The following FNDC3B variants were observed in gnomAD, a reference collection of about 807,000 sequenced individuals.
The protein encoded by FNDC3B is fibronectin type III domain-containing protein 3B.
FNDC3B carries 12 observed loss-of-function variants against 151.5 expected under a neutral mutation model. The observed-to-expected ratio is 0.08, with a 90% CI of 0.05 to 0.13. FNDC3B has a LOEUF of 0.13. Among genes scored for constraint, FNDC3B ranks in the 10% least tolerant of loss-of-function variants. The pLI is 1.00. For missense variants in FNDC3B, 1,214 were observed against 1,505.3 expected (o/e 0.81, Z 3.20); for synonymous variants, 528 against 549.0 (o/e 0.96, Z 0.54).
In FNDC3B at chr3:172,112,485, C is replaced by T. The variant is rs144227771; in HGVS notation, c.6C>T (p.Tyr2=). The change falls in exon 2 of 26, where the codon TAC becomes TAT. Residue 2 remains tyrosine, a synonymous_variant. Transcript: ENST00000415807. The part of the protein sequence containing the change: M[Y]VTMMMTDQIP... The stretch of plus-strand genomic sequence containing the variant: ...TTGAGGGAAGTTCTCCATGAATGTA[C>T]GTCACAATGATGATGACCGACCAAA... 5.2e-5 allele frequency: 84 copies of T among 1,612,202 alleles called. 1 individual carries two copies. The highest frequency in any genetic ancestry group is 3.3e-4 in the Middle Eastern group (2 of 6,054).
chr3:172,173,641 A>T (rs1428053249), intron 3 of FNDC3B, among the ~76,000 whole-genome samples: 6 of 151,486 alleles, frequency 4.0e-5, no homozygotes, highest in Non-Finnish European at 4.4e-5. Context: ...CAAAAAAAAA[A>T]AAAAATTAAA....
intron 24 of FNDC3B, among the ~76,000 whole-genome samples, chr3:172,380,518 T>C (rs1280814289): frequency 6.6e-6 from 1 of 152,208 alleles, no homozygotes; most frequent in East Asian, 1.9e-4. Flanking sequence ...ACGTTTTGTT[T>C]GTACCTCTCA....
At chr3:172,041,541 G>T (rs1560378244) in intron 1 of FNDC3B, among the ~76,000 whole-genome samples, 1 of 151,092 alleles carries the variant, frequency 6.6e-6, no homozygotes. Context: ...GTTGGGAATG[G>T]GGAGGCACGG....
At chr3:172,214,784 C>T (rs977108194) in intron 3 of FNDC3B, among the ~76,000 whole-genome samples, 2 of 152,174 alleles carry the variant, frequency 1.3e-5, no homozygotes, top group Non-Finnish European at 2.9e-5. Context: ...TAGTAAACCA[C>T]GTTAGGATGT....
intron 6 of FNDC3B, among the ~76,000 whole-genome samples, chr3:172,266,040 C>G (rs534670554): frequency 1.3e-5 from 2 of 152,266 alleles, no homozygotes; most frequent in Admixed American, 6.5e-5. Flanking sequence ...TCCCTCTGCT[C>G]AATTTGAGGT....
Position 172,295,444 on chromosome 3 carries a change from T to G in FNDC3B, c.931T>G (p.Ser311Ala). ...TTCCTGTGGACCCCACAGTGGTCTT[T>G]CCTTCCCCTACAGTTACGAGGTGGC... ...GLSCGPHSGL[S>A]FPYSYEVALS... Residue 311 changes from serine (S) to alanine (A), a missense_variant, in exon 8 of 26, where the codon TCC becomes GCC. Around this residue, in one of 7 missense-constraint regions of FNDC3B, gnomAD observed 156 missense variants for 225.3 expected, o/e 0.69. Transcript: ENST00000415807. The G allele has an allele frequency of 6.2e-7, 1 of 1,614,118 alleles. No homozygotes were observed. The highest frequency in any genetic ancestry group is 8.5e-7 in the Non-Finnish European group (1 of 1,179,922).
chr3:172,187,991 A>C (rs1724283945), intron 3 of FNDC3B, among the ~76,000 whole-genome samples: 1 of 44,186 alleles, frequency 2.3e-5, no homozygotes, highest in Non-Finnish European at 4.0e-5. Context: ...TTTTATATTT[A>C]AGCAGTTTTT....
chr3:172,196,797 A>T (rs1471133952), intron 3 of FNDC3B, among the ~76,000 whole-genome samples: 31 of 152,234 alleles, frequency 2.0e-4, no homozygotes, highest in Admixed American at 2.0e-3. Flanking sequence ...CAAAGAAGAC[A>T]GCCGGAGCTC....
intron 25 of FNDC3B, among the ~76,000 whole-genome samples, chr3:172,389,256 T>G (rs1227109488): frequency 6.6e-6 from 1 of 152,188 alleles, no homozygotes; most frequent in Non-Finnish European, 1.5e-5. Context: ...AATTGAGACA[T>G]TACATTTCAT....
At chr3:172,365,997 A>G (rs1734605991) in intron 23 of FNDC3B, among the ~76,000 whole-genome samples, 1 of 152,204 alleles carries the variant, frequency 6.6e-6, no homozygotes, top group Non-Finnish European at 1.5e-5. Flanking sequence ...ATCTTTGTAG[A>G]GTATTTGTGA....
chr3:172,283,174 A>G (rs1317031900), intron 6 of FNDC3B, among the ~76,000 whole-genome samples: 1 of 152,182 alleles, frequency 6.6e-6, no homozygotes, highest in African/African-American at 2.4e-5. Flanking sequence ...TTATCTCAGG[A>G]GGACCTTTCC....
At chr3:172,347,445 G>T in intron 21 of FNDC3B, 84 bp downstream of exon 21, 1 of 1,081,824 alleles carries the variant, frequency 9.2e-7, no homozygotes, top group Non-Finnish European at 1.3e-6. Context: ...AAGGCTTGTG[G>T]TGGAGGCTGT....
At chr3:172,077,848 G>T (rs1167038791) in intron 1 of FNDC3B, among the ~76,000 whole-genome samples, 1 of 152,134 alleles carries the variant, frequency 6.6e-6, no homozygotes, top group Non-Finnish European at 1.5e-5. Context: ...GCTTACAGCA[G>T]AATGATGCCT....
At chr3:172,294,139 C>G (rs1730474700) in intron 7 of FNDC3B, among the ~76,000 whole-genome samples, 1 of 152,160 alleles carries the variant, frequency 6.6e-6, no homozygotes, top group Admixed American at 6.5e-5. Flanking sequence ...GGTTGGGTTT[C>G]TCCAGAAATG....
At chr3:172,056,660 A>G (rs900579043) in intron 1 of FNDC3B, among the ~76,000 whole-genome samples, 1 of 152,198 alleles carries the variant, frequency 6.6e-6, no homozygotes, top group African/African-American at 2.4e-5. Flanking sequence ...AGTGTTTTGA[A>G]CTAGTGATTA....
At position 172,397,194 on chromosome 3, in the gene FNDC3B, A is replaced by G; in HGVS notation, c.3334A>G (p.Ile1112Val). 6.2e-7 allele frequency: 1 copy of G among 1,612,568 alleles called. No individual in the cohort carries two copies. Among genetic ancestry groups the G allele is most frequent in the Non-Finnish European group, 8.5e-7 (1 of 1,179,016 alleles). Residue 1112 changes from isoleucine to valine, a missense_variant, in exon 26 of 26, where the codon ATC (isoleucine) becomes GTC (valine). Around this residue, in one of 7 missense-constraint regions of FNDC3B, gnomAD observed 284 missense variants for 392.4 expected, o/e 0.72. Transcript: ENST00000415807. Reference protein sequence around the residue: ...VYKGEEATFQISGLQTNTDYR... With the variant: ...VYKGEEATFQVSGLQTNTDYR... ...CAAGGGAGAAGAAGCCACATTCCAAATCTCAGGCCTCCAGACCAACACAGA... is the reference window on the plus strand; with the variant it reads ...CAAGGGAGAAGAAGCCACATTCCAAGTCTCAGGCCTCCAGACCAACACAGA...
chr3:172,122,261 A>G (rs770176020), intron 2 of FNDC3B, among the ~76,000 whole-genome samples: 1 of 150,254 alleles, frequency 6.7e-6, no homozygotes, highest in Admixed American at 6.7e-5. Context: ...CAAGTTCCAA[A>G]TGCAGATACT....
rs10561622 is a variant in FNDC3B, at chr3:172,149,806, GTTTTTTTTTTTTTTT to G, written c.187+16276_187+16290del. Among the ~76,000 whole-genome samples the G allele has an allele frequency of 3.0e-4, 16 of 52,508 alleles. No homozygotes were observed. The South Asian group carries it at 7.7e-3, about 25-fold the overall frequency. The allele number at this position is 52,508 out of a possible 152,430, so 34.4% of individuals were successfully genotyped here. On this transcript the variant is annotated intron_variant, in intron 3 of 25. Coordinates refer to ENST00000415807, the MANE Select transcript of FNDC3B (RefSeq NM_022763.4). Reference sequence around the variant, plus strand: ...TGTGTATACCTTTTGTATGTTGGGTGTTTTTTTTTTTTTTTTTTTTTTTTTTTTTTGAGACAGAGT... The same window carrying G: ...TGTGTATACCTTTTGTATGTTGGGTGTTTTTTTTTTTTTTTGAGACAGAGT...
At chr3:172,251,823 C>G (rs977075441) in intron 6 of FNDC3B, among the ~76,000 whole-genome samples, 4 of 152,124 alleles carry the variant, frequency 2.6e-5, no homozygotes, top group African/African-American at 9.7e-5. Context: ...TGTTAGCCTA[C>G]TTCTGTTGTT....
Sources: allele counts gnomAD v4.1 joint callset (sites outside exome capture counted in the v4.1 genomes callset), GRCh38; gene constraint gnomAD v4.1.1; regional missense constraint gnomAD v4.1.1; transcripts MANE v1.5; gene names NCBI Gene and HGNC (gene_info 2026-07-23, HGNC 2026-07-21).